Variants in NCOA3 observed in about 807,000 individuals in gnomAD.
NCOA3 encodes CBP-interacting protein.
In NCOA3, 51 loss-of-function variants were observed where a neutral mutation model predicts 158.8. The ratio of observed to expected loss-of-function variants is 0.32; its 90% CI spans 0.26 to 0.41. The LOEUF (loss-of-function observed/expected upper bound fraction) is 0.41. NCOA3 is among the 10% of genes least tolerant of loss of function. NCOA3 has a pLI of 1.00. For synonymous variants in NCOA3, 537 were observed against 592.4 expected (o/e 0.91, Z 1.36); for missense variants, 1,510 against 1,746.6 (o/e 0.86, Z 2.41).
intron 1 of NCOA3, among the ~76,000 whole-genome samples, chr20:47,578,095 T>TA (rs1304706796): frequency 4.6e-5 from 7 of 152,080 alleles, no homozygotes; most frequent in Admixed American, 4.6e-4. Context: ...TAATTGAACA[T>TA]ACAATAATGG....
intron 1 of NCOA3, among the ~76,000 whole-genome samples, chr20:47,533,875 G>A (rs1430198764): frequency 6.6e-6 from 1 of 152,104 alleles, no homozygotes. Context: ...GCCGTGAGCT[G>A]TGGCTATGCC....
intron 1 of NCOA3, among the ~76,000 whole-genome samples, chr20:47,577,063 C>G (rs367645495): frequency 6.6e-6 from 1 of 152,190 alleles, no homozygotes; most frequent in African/African-American, 2.4e-5. Flanking sequence ...AAGTTTTCTC[C>G]TTAATCTAAA....
At chr20:47,585,178 A>G (rs187248512) in intron 2 of NCOA3, among the ~76,000 whole-genome samples, 27 of 149,142 alleles carry the variant, frequency 1.8e-4, no homozygotes, top group Non-Finnish European at 3.3e-4. Context: ...CAGCCTCCCA[A>G]GTAGCTGGGA....
intron 17 of NCOA3, among the ~76,000 whole-genome samples, chr20:47,644,770 T>C (rs2086661961): frequency 6.6e-6 from 1 of 152,108 alleles, no homozygotes; most frequent in Non-Finnish European, 1.5e-5. Flanking sequence ...TGATCTCGGC[T>C]CACTGCAACC....
At chr20:47,628,565 C>G (rs2086363627) in intron 8 of NCOA3, 1 of 152,434 alleles carries the variant, frequency 6.6e-6, no homozygotes, top group South Asian at 2.1e-4. Flanking sequence ...GCACGTGCCA[C>G]CATGCCCGGC....
Position 47,531,670 on chromosome 20 carries a change from A to G in NCOA3, c.-99+29651A>G, listed in dbSNP as rs77306937. 2.2e-4 allele frequency among the ~76,000 whole-genome samples: 33 copies of G among 152,158 alleles called. No individual in the cohort carries two copies. In the East Asian group the frequency reaches 4.4e-3, roughly 20 times the overall value. On this transcript the variant is annotated intron_variant, in intron 1 of 22. Transcript: ENST00000371998. ...CTTCCTCTTGACCTTTCCTGTATCTATAACTTTTCTCTTGACCTCTTCATG... is the reference window on the plus strand; with the variant it reads ...CTTCCTCTTGACCTTTCCTGTATCTGTAACTTTTCTCTTGACCTCTTCATG...
chr20:47,560,605 G>A (rs992554128), intron 1 of NCOA3, among the ~76,000 whole-genome samples: 5 of 152,048 alleles, frequency 3.3e-5, no homozygotes, highest in Admixed American at 6.6e-5. Context: ...TAGGTATGTC[G>A]TAGTATCTCA....
chr20:47,602,144 T>C (rs1310080572), intron 2 of NCOA3, among the ~76,000 whole-genome samples: 1 of 152,248 alleles, frequency 6.6e-6, no homozygotes, highest in African/African-American at 2.4e-5. Context: ...TTATCTTTTA[T>C]AGTTTCTGTG....
chr20:47,567,714 T>C (rs191692244), intron 1 of NCOA3, among the ~76,000 whole-genome samples: 195 of 152,160 alleles, frequency 1.3e-3, no homozygotes, highest in African/African-American at 4.1e-3. Context: ...GGATTACAGG[T>C]ACATGCTACC....
chr20:47,576,945 G>A (rs1236490215), intron 1 of NCOA3, among the ~76,000 whole-genome samples: 1 of 152,180 alleles, frequency 6.6e-6, no homozygotes, highest in Non-Finnish European at 1.5e-5. Flanking sequence ...ACAAGCGCAA[G>A]CAAGCGGCTT....
intron 1 of NCOA3, among the ~76,000 whole-genome samples, chr20:47,573,888 A>T (rs2085333391): frequency 6.6e-6 from 1 of 152,172 alleles, no homozygotes; most frequent in South Asian, 2.1e-4. Context: ...AAAATGATTT[A>T]AGAAGTCCTT....
intron 2 of NCOA3, among the ~76,000 whole-genome samples, chr20:47,608,985 T>C (rs868410562): frequency 1.3e-5 from 2 of 152,236 alleles, no homozygotes; most frequent in African/African-American, 4.8e-5. Flanking sequence ...TCTACTTCTT[T>C]TATTAGTAAG....
rs910604048 is a variant in NCOA3 at position 47,609,092 on chromosome 20, C to T, written c.-19-13137C>T. Among the ~76,000 whole-genome samples, 34 of 152,080 alleles carry T rather than the reference C, an allele frequency of 2.2e-4. 1 individual carries two copies. The highest frequency in any genetic ancestry group is 6.3e-4 in the African/African-American group (26 of 41,408). On this transcript the variant is annotated intron_variant, in intron 2 of 22. Transcript: ENST00000371998. ...TTGTTTCTGTTTCTGAATCACAAAT[C>T]GGCCATTAATTTTAAATAAAGACGT...
Position 47,653,395 on chromosome 20 carries a change from G to A in NCOA3, c.4264-11G>A. 3 of 1,453,548 alleles carry A rather than the reference G, an allele frequency of 2.1e-6. No homozygotes were observed. The South Asian group carries it at 3.8e-5, about 19-fold the overall frequency. The allele number at this position is 1,453,548 out of a possible 1,614,324, so 90.0% of individuals were successfully genotyped here. A position where few individuals can be genotyped will look rare whatever the true frequency, so the allele number is the denominator to read the frequency against. ...TTTTTTTTTTTTTTTTTTTTTCCTG[G>A]TTGCTGACAGAAATACTGCTGACAT... On this transcript the variant is annotated splice_polypyrimidine_tract_variant and intron_variant, in intron 22 of 22. Transcript: ENST00000371998.
intron 10 of NCOA3, 106 bp from the exon 11 acceptor site, chr20:47,635,216 A>C (rs1263787216): frequency 1.8e-6 from 2 of 1,141,542 alleles, no homozygotes; most frequent in Non-Finnish European, 2.4e-6. Context: ...GGTGTTAGCC[A>C]CTGTAGCTGG....
At chr20:47,570,803 T>C (rs1394427439) in intron 1 of NCOA3, among the ~76,000 whole-genome samples, 5 of 151,720 alleles carry the variant, frequency 3.3e-5, no homozygotes, top group Non-Finnish European at 5.9e-5. Flanking sequence ...TACTTGAAAG[T>C]TAAAATTGCT....
chr20:47,502,131 A>C, intron 1 of NCOA3, 112 bp downstream of exon 1: 1 of 397,894 alleles, frequency 2.5e-6, no homozygotes, highest in East Asian at 3.6e-5. Context: ...AGATCTGCCA[A>C]GGCACTGAGG....
At chr20:47,651,376 C>T in intron 20 of NCOA3, 100 bp downstream of exon 20, 1 of 1,497,454 alleles carries the variant, frequency 6.7e-7, no homozygotes, top group Non-Finnish European at 8.9e-7. Flanking sequence ...ACACGATTCA[C>T]TCCCTCTTTA....
At chr20:47,647,970 A>G (rs901575338) in intron 18 of NCOA3, among the ~76,000 whole-genome samples, 3 of 143,182 alleles carry the variant, frequency 2.1e-5, no homozygotes, top group Non-Finnish European at 4.5e-5. Context: ...GCTGGAGTGC[A>G]GTGGCATGAT....
Sources: allele counts gnomAD v4.1 joint callset (sites outside exome capture counted in the v4.1 genomes callset), GRCh38; gene constraint gnomAD v4.1.1; transcripts MANE v1.5; gene names NCBI Gene and HGNC (gene_info 2026-07-23, HGNC 2026-07-21).